The following RAP1GAP2 variants were observed in gnomAD, a reference collection of about 807,000 sequenced individuals.
RAP1GAP2 encodes the protein RAP1 GTPase activating protein 2.
Under a neutral mutation model 95.0 loss-of-function variants are expected in RAP1GAP2, and 27 were observed. That is an observed-to-expected ratio of 0.28 (90% CI 0.21 to 0.39). RAP1GAP2 has a LOEUF of 0.39. Ranked by LOEUF, RAP1GAP2 falls within the 10% of genes least tolerant of loss-of-function variation. The pLI, the probability that RAP1GAP2 is intolerant of heterozygous loss-of-function variation, is 1.00. For synonymous variants in RAP1GAP2, 373 were observed against 380.9 expected, an observed-to-expected ratio of 0.98 and a Z score of 0.24; for missense variants, 771 against 970.0, an observed-to-expected ratio of 0.79 and a Z score of 2.72.
chr17:2,969,965 G>A (rs2044785455), intron 8 of RAP1GAP2, among the ~76,000 whole-genome samples: 2 of 151,858 alleles, frequency 1.3e-5, no homozygotes, highest in Non-Finnish European at 2.9e-5. Context: ...GCATGGATGT[G>A]AAATAATTTA....
chr17:2,813,190 C>T (rs891766642), intron 2 of RAP1GAP2, among the ~76,000 whole-genome samples: 5 of 151,654 alleles, frequency 3.3e-5, no homozygotes, highest in South Asian at 2.1e-4. Context: ...CTCCTGCCTC[C>T]GTCTCCTGAG....
chr17:2,902,832 C>T lies in RAP1GAP2; in HGVS notation c.81-2452C>T, dbSNP rs1174046509. Among the ~76,000 whole-genome samples, 1 of 152,136 alleles carries T rather than the reference C, an allele frequency of 6.6e-6. No homozygotes were observed. Among genetic ancestry groups the T allele is most frequent in the Non-Finnish European group, 1.5e-5 (1 of 68,024 alleles). ...AAAGGCAGGGGAGAGGGGCTCAGCT[C>T]AGGGAGTGTTGGATGCTGCGCCCTT... On this transcript the variant is annotated intron_variant, in intron 2 of 24. Coordinates refer to ENST00000254695, the MANE Select transcript of RAP1GAP2 (RefSeq NM_015085.5). The surrounding 1 kb of genome is among the most constrained non-coding windows in gnomAD (Gnocchi z 4.1).
intron 8 of RAP1GAP2, among the ~76,000 whole-genome samples, chr17:2,977,574 G>C (rs369055281): frequency 6.6e-6 from 1 of 151,432 alleles, no homozygotes; most frequent in Non-Finnish European, 1.5e-5. Flanking sequence ...GTGAAACCTC[G>C]TCTCTACTAA....
chr17:2,888,838 AT>A lies in RAP1GAP2; in HGVS notation c.81-16442del, dbSNP rs2073592324. Among the ~76,000 whole-genome samples the A allele has an allele frequency of 2.6e-5, 3 of 117,516 alleles. No individual in the cohort carries two copies. The South Asian group carries it at 8.1e-4, about 32-fold the overall frequency. The allele number at this position is 117,516 out of a possible 152,430, so 77.1% of individuals were successfully genotyped here. A position where few individuals can be genotyped will look rare whatever the true frequency, so the allele number is the denominator to read the frequency against. ...GCTAATTTTTTTTTTTTTTTTTTGT[AT>A]TTTAGCAGAGGTGGGGTTTCACCAT... On this transcript the variant is annotated intron_variant, in intron 2 of 24. Transcript: ENST00000254695.
At chr17:2,981,701 A>G (rs1465007554) in intron 10 of RAP1GAP2, among the ~76,000 whole-genome samples, 4 of 152,198 alleles carry the variant, frequency 2.6e-5, no homozygotes, top group Admixed American at 1.3e-4. Context: ...CTCCGGCCAT[A>G]TAAGCCTCTG....
rs923055823 is a variant in RAP1GAP2, at chr17:2,858,209, T to A, written c.81-47075T>A. Among the ~76,000 whole-genome samples the A allele has an allele frequency of 3.3e-5, 5 of 152,150 alleles. No homozygotes were observed. The East Asian group carries it at 9.6e-4, about 29-fold the overall frequency. Reference sequence around the variant, plus strand: ...CATAAATGAAAACAAGTCCACTTCTTATGGTGGGTAGTTATTTTGAGACAG... The same window carrying A: ...CATAAATGAAAACAAGTCCACTTCTAATGGTGGGTAGTTATTTTGAGACAG... On this transcript the variant is annotated intron_variant, in intron 2 of 24. Coordinates refer to ENST00000254695, the MANE Select transcript of RAP1GAP2 (RefSeq NM_015085.5).
At chr17:2,826,004 G>C (rs551907132) in intron 2 of RAP1GAP2, among the ~76,000 whole-genome samples, 1 of 141,700 alleles carries the variant, frequency 7.1e-6, no homozygotes, top group Non-Finnish European at 1.5e-5. Context: ...TTTTTGAGAC[G>C]GAGTCTTGCT....
chr17:2,899,080 C>T (rs1240907899), intron 2 of RAP1GAP2, among the ~76,000 whole-genome samples: 1 of 152,234 alleles, frequency 6.6e-6, no homozygotes, highest in Non-Finnish European at 1.5e-5. Context: ...CCTTTTGTGC[C>T]TGGCTCCTGT....
At chr17:2,914,847 A>C (rs1039131327) in intron 3 of RAP1GAP2, among the ~76,000 whole-genome samples, 3 of 142,056 alleles carry the variant, frequency 2.1e-5, no homozygotes, top group Non-Finnish European at 4.5e-5. Context: ...GCTAGAGTGC[A>C]ATGGCGCCAT....
chr17:2,886,172 T>TATATATATATA (rs528532502), intron 2 of RAP1GAP2, among the ~76,000 whole-genome samples: 1 of 82,220 alleles, frequency 1.2e-5, no homozygotes, highest in African/African-American at 5.0e-5. Context: ...TATATATATA[T>TATATATATATA]TTTTTTTTTT....
intron 2 of RAP1GAP2, among the ~76,000 whole-genome samples, chr17:2,830,432 A>T (rs1020378056): frequency 3.3e-5 from 5 of 151,560 alleles, no homozygotes; most frequent in African/African-American, 1.2e-4. Flanking sequence ...ATTAAAAAAG[A>T]TGGCCGGGTG....
At chr17:2,795,192 T>TC (rs1432498686), upstream of RAP1GAP2, among the ~76,000 whole-genome samples, 3 of 145,146 alleles carry the variant, frequency 2.1e-5, no homozygotes, top group Non-Finnish European at 4.5e-5. Flanking sequence ...TTCTTCTTCT[T>TC]TTTTTTTTTT....
At chr17:3,015,966 C>G (rs1422886136) in intron 17 of RAP1GAP2, among the ~76,000 whole-genome samples, 1 of 152,162 alleles carries the variant, frequency 6.6e-6, no homozygotes, top group Non-Finnish European at 1.5e-5. Context: ...GGGGCCCACA[C>G]CTTAGTCCTT....
chr17:2,808,221 A>G (rs1173012221), intron 2 of RAP1GAP2, among the ~76,000 whole-genome samples: 1 of 152,022 alleles, frequency 6.6e-6, no homozygotes, highest in Non-Finnish European at 1.5e-5. Flanking sequence ...CCATAATAGC[A>G]TGGGGCTGGA....
At chr17:2,880,145 C>T (rs865970602) in intron 2 of RAP1GAP2, among the ~76,000 whole-genome samples, 1 of 152,088 alleles carries the variant, frequency 6.6e-6, no homozygotes, top group African/African-American at 2.4e-5. Flanking sequence ...AAGGGAGGGA[C>T]ATTCAGGCAG....
rs72123618 is a variant in RAP1GAP2, at chr17:2,884,372, G to GTTTT, written c.81-20897_81-20894dup. Among the ~76,000 whole-genome samples the GTTTT allele has an allele frequency of 1.4e-3, 173 of 123,720 alleles. 2 individuals carry two copies. The highest frequency in any genetic ancestry group is 4.1e-3 in the Middle Eastern group (1 of 242). 81.2% of individuals were successfully genotyped at this position (123,720 alleles called of 152,430 possible). ...CTCTTGGAGTCAGAGTTCTTGAGTT[G>GTTTT]TTTTTTTTTTTTTTTTTTGAGACAG... On this transcript the variant is annotated intron_variant, in intron 2 of 24. Coordinates refer to ENST00000254695, the MANE Select transcript of RAP1GAP2 (RefSeq NM_015085.5).
At chr17:2,879,308 G>A (rs1397912108) in intron 2 of RAP1GAP2, among the ~76,000 whole-genome samples, 1 of 151,962 alleles carries the variant, frequency 6.6e-6, no homozygotes, top group African/African-American at 2.4e-5. Context: ...TAGAGCTGGG[G>A]TTTCACCATG....
intron 19 of RAP1GAP2, among the ~76,000 whole-genome samples, chr17:3,021,174 T>C (rs2046944247): frequency 6.6e-6 from 1 of 152,192 alleles, no homozygotes; most frequent in South Asian, 2.1e-4. Flanking sequence ...TCTTTTGAGT[T>C]AGGAACATTC....
chr17:2,940,742 C>T (rs766291784), intron 3 of RAP1GAP2, among the ~76,000 whole-genome samples: 38 of 152,224 alleles, frequency 2.5e-4, no homozygotes, highest in Admixed American at 3.9e-4. Flanking sequence ...GGGGGGCCCA[C>T]GCGGACTTGG....
Sources: gnomAD v4.1 joint callset for allele counts (sites outside exome capture counted in the v4.1 genomes callset) on GRCh38, gnomAD v4.1.1 for gene constraint, Gnocchi (gnomAD v3.1) non-coding constraint, MANE v1.5 for transcripts, NCBI Gene and HGNC (gene_info 2026-07-23, HGNC 2026-07-21) for gene names.